SAMD4A: variants seen among roughly 807,000 people sequenced by gnomAD.
SAMD4A encodes sterile alpha motif domain containing 4A.
In SAMD4A, 33 loss-of-function variants were observed where a neutral mutation model predicts 81.3. The observed-to-expected ratio is 0.41, with a 90% CI of 0.31 to 0.54. The LOEUF (loss-of-function observed/expected upper bound fraction) is 0.54. Among genes scored for constraint, SAMD4A ranks in the 20% least tolerant of loss-of-function variants. The pLI, the probability that SAMD4A is intolerant of heterozygous loss-of-function variation, is 0.37. For missense variants in SAMD4A, 854 were observed against 951.1 expected, an observed-to-expected ratio of 0.90 and a Z score of 1.34; for synonymous variants, 389 against 382.1, an observed-to-expected ratio of 1.02 and a Z score of -0.21.
At chr14:54,758,857 C>A (rs74704954) in intron 6 of SAMD4A, among the ~76,000 whole-genome samples, 3,186 of 152,106 alleles carry the variant, frequency 0.021, 111 homozygotes, top group African/African-American at 0.072. Context: ...AATACTTCAT[C>A]AGTGATTGGG....
chr14:54,610,556 G>A (rs928459821), intron 2 of SAMD4A, among the ~76,000 whole-genome samples: 1 of 152,172 alleles, frequency 6.6e-6, no homozygotes, highest in African/African-American at 2.4e-5. Flanking sequence ...ACAACTGGGG[G>A]TTGCTTATGA....
At chr14:54,610,896 TC>T (rs1281823790) in intron 2 of SAMD4A, among the ~76,000 whole-genome samples, 1 of 152,162 alleles carries the variant, frequency 6.6e-6, no homozygotes, top group Non-Finnish European at 1.5e-5. Flanking sequence ...TATGCCCAAA[TC>T]TGTAGAATTA....
At chr14:54,706,595 ACT>A (rs1031633431) in intron 3 of SAMD4A, among the ~76,000 whole-genome samples, 1 of 141,044 alleles carries the variant, frequency 7.1e-6, no homozygotes, top group African/African-American at 2.5e-5. Flanking sequence ...ACAGAGCAAG[ACT>A]CTGTCTCAAA....
At chr14:54,628,948 A>C (rs1234527731) in intron 2 of SAMD4A, among the ~76,000 whole-genome samples, 1 of 152,052 alleles carries the variant, frequency 6.6e-6, no homozygotes, top group African/African-American at 2.4e-5. Flanking sequence ...TTACAGGTTG[A>C]ATTGTGTCCT....
rs535747391 is a variant in SAMD4A at position 54,574,200 on chromosome 14, G to C, written c.196+6088G>C. Among the ~76,000 whole-genome samples the C allele has an allele frequency of 8.5e-5, 13 of 152,296 alleles. No homozygotes were observed. The South Asian group carries it at 1.0e-3, about 12-fold the overall frequency. On this transcript the variant is annotated intron_variant, in intron 2 of 12. Coordinates refer to ENST00000554335, the MANE Select transcript of SAMD4A (RefSeq NM_015589.6). Reference sequence around the variant, plus strand: ...TCAAGTAGCTTACACTCGAGTTGCAGAGCTGAAACAAACATAAGAAAATAT... The same window carrying C: ...TCAAGTAGCTTACACTCGAGTTGCACAGCTGAAACAAACATAAGAAAATAT...
intron 2 of SAMD4A, among the ~76,000 whole-genome samples, chr14:54,669,417 G>A (rs1392923093): frequency 6.8e-6 from 1 of 148,108 alleles, no homozygotes; most frequent in East Asian, 2.0e-4. Context: ...TTTAAGGAGA[G>A]CTTTATTTTT....
chr14:54,614,488 G>A (rs1028616268), intron 2 of SAMD4A, among the ~76,000 whole-genome samples: 1 of 152,128 alleles, frequency 6.6e-6, no homozygotes, highest in Non-Finnish European at 1.5e-5. Flanking sequence ...TTAATGACAC[G>A]AATGCATACC....
intron 2 of SAMD4A, among the ~76,000 whole-genome samples, chr14:54,690,761 T>C (rs774528494): frequency 6.6e-6 from 1 of 152,214 alleles, no homozygotes; most frequent in African/African-American, 2.4e-5. Flanking sequence ...GGTGATGGTA[T>C]GAAGCTAGAT....
At chr14:54,733,317 G>T (rs529616241) in intron 3 of SAMD4A, among the ~76,000 whole-genome samples, 2 of 152,162 alleles carry the variant, frequency 1.3e-5, no homozygotes, top group African/African-American at 4.8e-5. Context: ...ATATATGCAT[G>T]CGTGCATACT....
rs1308527581 is a variant in SAMD4A, at chr14:54,722,131, G to T, written c.716-14893G>T. 3.9e-5 allele frequency among the ~76,000 whole-genome samples: 6 copies of T among 152,336 alleles called. No homozygotes were observed. In the East Asian group the frequency reaches 5.8e-4, roughly 15 times the overall value. On this transcript the variant is annotated intron_variant, in intron 3 of 12. Transcript: ENST00000554335. ...CATGGCGACTTCAGCTTTGGCTGAAGAAGATGTTGCTTTTTCCAGTCCATA... is the reference window on the plus strand; with the variant it reads ...CATGGCGACTTCAGCTTTGGCTGAATAAGATGTTGCTTTTTCCAGTCCATA...
intron 4 of SAMD4A, among the ~76,000 whole-genome samples, chr14:54,743,113 C>G (rs1039191263): frequency 6.6e-6 from 1 of 152,096 alleles, no homozygotes; most frequent in South Asian, 2.1e-4. Context: ...AGAAAGGTTG[C>G]AGATACAGCA....
At chr14:54,643,604 T>C (rs2035221230) in intron 2 of SAMD4A, among the ~76,000 whole-genome samples, 1 of 152,246 alleles carries the variant, frequency 6.6e-6, no homozygotes, top group South Asian at 2.1e-4. Flanking sequence ...GATATTTCCC[T>C]TTCAGCCGGT....
In SAMD4A at chr14:54,735,876, C is replaced by T. The variant is rs1330155118; in HGVS notation, c.716-1148C>T. Among the ~76,000 whole-genome samples the T allele has an allele frequency of 3.3e-5, 5 of 152,326 alleles. No individual in the cohort carries two copies. In the East Asian group the frequency reaches 7.7e-4, roughly 24 times the overall value. ...AGATTAACACCCACAAAGAAGTGCT[C>T]ATCTAAATTTGGGAGAGCAAATGCC... is the stretch of plus-strand genomic sequence containing the variant. On this transcript the variant is annotated intron_variant, in intron 3 of 12. Transcript: ENST00000554335.
At chr14:54,626,015 GGTGTGTGTGTGTGTGTGTGTGT>G (rs71446501) in intron 2 of SAMD4A, among the ~76,000 whole-genome samples, 3 of 131,716 alleles carry the variant, frequency 2.3e-5, no homozygotes, top group Non-Finnish European at 4.8e-5. Flanking sequence ...TCTACTGCTA[GGTGTGTGTGTGTGTGTGTGTGT>G]GTGTGTGTGT....
intron 3 of SAMD4A, among the ~76,000 whole-genome samples, chr14:54,731,675 G>A (rs1001674721): frequency 1.2e-4 from 18 of 152,132 alleles, no homozygotes; most frequent in African/African-American, 3.6e-4. Flanking sequence ...TATGAGAAAG[G>A]CAGCTTCTTG....
chr14:54,713,182 A>T (rs1452136849), intron 3 of SAMD4A, among the ~76,000 whole-genome samples: 1 of 151,402 alleles, frequency 6.6e-6, no homozygotes, highest in Non-Finnish European at 1.5e-5. Context: ...TAGCTTACAC[A>T]TATCTTTGAT....
intron 11 of SAMD4A, among the ~76,000 whole-genome samples, chr14:54,780,259 T>C (rs2038966483): frequency 6.6e-6 from 1 of 152,152 alleles, no homozygotes; most frequent in South Asian, 2.1e-4. Flanking sequence ...GTGAGCTGGG[T>C]CCAGTGGCAC....
chr14:54,766,703 C>T (rs934277714), intron 8 of SAMD4A, among the ~76,000 whole-genome samples: 39 of 152,218 alleles, frequency 2.6e-4, no homozygotes, highest in African/African-American at 8.4e-4. Flanking sequence ...AAAAGCACAC[C>T]GGAACTCTGC....
chr14:54,567,974 T>C lies in SAMD4A; in HGVS notation c.58T>C (p.Cys20Arg). The C allele has an allele frequency of 1.2e-6, 2 of 1,610,422 alleles. No individual in the cohort carries two copies. The highest frequency in any genetic ancestry group is 1.7e-6 in the Non-Finnish European group (2 of 1,179,562). The change falls in exon 2 of 13, where the codon TGC becomes CGC. Residue 20 changes from cysteine to arginine, a missense_variant. By Grantham distance (180) the Cys-to-Arg change is radical. Transcript: ENST00000554335. ...GGGCTGGTTTAAGGGCTGGAACGAGTGCGAGCAGACTGTTGCGCTGCTGTC... is the reference window on the plus strand; with the variant it reads ...GGGCTGGTTTAAGGGCTGGAACGAGCGCGAGCAGACTGTTGCGCTGCTGTC... ...LAGWFKGWNE[C>R]EQTVALLSLL...
Sources: allele counts gnomAD v4.1 joint callset (sites outside exome capture counted in the v4.1 genomes callset), GRCh38; gene constraint gnomAD v4.1.1; transcripts MANE v1.5; gene names NCBI Gene and HGNC (gene_info 2026-07-23, HGNC 2026-07-21).